The following MGAT4B variants were observed in gnomAD, a reference collection of about 807,000 sequenced individuals.
MGAT4B encodes N-acetylglucosaminyltransferase IVb.
MGAT4B carries 38 observed loss-of-function variants against 73.9 expected under a neutral mutation model. That is an observed-to-expected ratio of 0.51 (90% CI 0.40 to 0.67). MGAT4B has a LOEUF of 0.67. Ranked by LOEUF, MGAT4B falls within the 30% of genes least tolerant of loss-of-function variation. The pLI, the probability that MGAT4B is intolerant of heterozygous loss-of-function variation, is 0.00. For missense variants in MGAT4B, 686 were observed against 735.2 expected, an observed-to-expected ratio of 0.93 and a Z score of 0.77; for synonymous variants, 373 against 313.5, an observed-to-expected ratio of 1.19 and a Z score of -2.01.
intron 9 of MGAT4B, 45 bp downstream of exon 9, chr5:179,799,461 T>TGC (rs1756810186): frequency 6.2e-7 from 1 of 1,611,938 alleles, no homozygotes; most frequent in African/African-American, 1.3e-5. Flanking sequence ...GGAGGCTGCC[T>TGC]GCCCCTTGGC....
chr5:179,803,105 G>C, intron 1 of MGAT4B: 2 of 985,588 alleles, frequency 2.0e-6, no homozygotes, highest in Non-Finnish European at 2.4e-6. Flanking sequence ...ACGGGCAGGA[G>C]GTCGAAGTGC....
intron 1 of MGAT4B, chr5:179,802,876 C>T (rs1757007556): frequency 1.0e-6 from 1 of 985,494 alleles, no homozygotes; most frequent in Non-Finnish European, 1.2e-6. Context: ...TCTCTGAAAA[C>T]CTATGTGGCC....
At chr5:179,798,836 T>G (rs921431686) in intron 11 of MGAT4B, 92 bp downstream of exon 11, 1 of 1,463,832 alleles carries the variant, frequency 6.8e-7, no homozygotes, top group African/African-American at 1.4e-5. Context: ...ATGCGGAAAC[T>G]GAAGAACGTG....
rs1287108102 is a variant in MGAT4B, at chr5:179,800,517, C to T, written c.686G>A (p.Arg229Gln). Reference protein sequence around the residue: ...PHFYPDFSRLRESFGDPKERV... With the variant: ...PHFYPDFSRLQESFGDPKERV... ...CTCCTTGGGGTCCCCAAAGGACTCT[C>T]GGAGGCGGGAGAAGTCAGGGTAGAA... is the stretch of plus-strand genomic sequence containing the variant. Residue 229 changes from arginine (R) to glutamine (Q), a missense_variant, in exon 6 of 15, where the codon CGA (arginine) becomes CAA (glutamine). Coordinates refer to ENST00000292591, the MANE Select transcript of MGAT4B (RefSeq NM_014275.5). 28 of 1,611,246 alleles carry T rather than the reference C, an allele frequency of 1.7e-5. No individual in the cohort carries two copies. The highest frequency in any genetic ancestry group is 2.2e-5 in the Non-Finnish European group (26 of 1,179,290).
In MGAT4B at chr5:179,806,528, A is replaced by G; in HGVS notation, c.56T>C (p.Phe19Ser). Residue 19 changes from phenylalanine (F) to serine (S), a missense_variant, in exon 1 of 15, where the codon TTC becomes TCC. Around this residue, in one of 2 missense-constraint regions of MGAT4B, gnomAD observed 237 missense variants for 198.5 expected, o/e 1.19. Coordinates refer to ENST00000292591, the MANE Select transcript of MGAT4B (RefSeq NM_014275.5). This position sits in a 1 kb window ranked among gnomAD's most constrained non-coding sequence, Gnocchi z 4.6. ...LTLLLFCLCA[F>S]LSLSWYAALS... ...TGCCGCGTACCAGGACAGCGAGAGG[A>G]AGGCGCACAGGCAGAAGAGCAGCAG... 1 of 1,338,404 alleles carries G rather than the reference A, an allele frequency of 7.5e-7. No individual in the cohort carries two copies. The highest frequency in any genetic ancestry group is 9.8e-7 in the Non-Finnish European group (1 of 1,019,772). The allele number at this position is 1,338,404 out of a possible 1,614,324, so 82.9% of individuals were successfully genotyped here.
intron 6 of MGAT4B, 54 bp from the exon 7 acceptor site, chr5:179,800,313 C>T: frequency 1.3e-6 from 2 of 1,598,742 alleles, no homozygotes; most frequent in Non-Finnish European, 1.7e-6. Flanking sequence ...TCCATTGTGG[C>T]TCCGCAGAGA....
Position 179,797,892 on chromosome 5 carries a change from G to C in MGAT4B, c.*153C>G. 8 of 1,121,330 alleles carry C rather than the reference G, an allele frequency of 7.1e-6. No individual in the cohort carries two copies. The highest frequency in any genetic ancestry group is 6.0e-5 in the South Asian group (4 of 66,434). The allele number at this position is 1,121,330 out of a possible 1,614,324, so 69.5% of individuals were successfully genotyped here. On this transcript the variant is annotated 3_prime_UTR_variant, in exon 15 of 15. Coordinates refer to ENST00000292591, the MANE Select transcript of MGAT4B (RefSeq NM_014275.5). ...GGCAGCACCAGCTCCTAGGGCCTCC[G>C]GGCCAGCGGCGGACCCCAGGCCGGC...
chr5:179,800,732 T>C (rs901017637), intron 5 of MGAT4B, 135 bp from the exon 6 acceptor site: 6 of 968,170 alleles, frequency 6.2e-6, no homozygotes, highest in Non-Finnish European at 7.8e-6. Context: ...CCAACTGAGG[T>C]AGCAGAGCTC....
chr5:179,803,241 T>C, intron 1 of MGAT4B: 2 of 984,932 alleles, frequency 2.0e-6, no homozygotes, highest in Non-Finnish European at 2.4e-6. Context: ...CTCCACACCC[T>C]GCCTCTCTGG....
rs200583072 is a variant in MGAT4B at position 179,801,755 on chromosome 5, C to A, written c.283+29G>T. 17 of 1,567,224 alleles carry A rather than the reference C, an allele frequency of 1.1e-5. No homozygotes were observed. Among genetic ancestry groups the A allele is most frequent in the East Asian group, 2.3e-5 (1 of 43,444 alleles). ...GGAACCTACAACCAGCCCGCCCCCGCCTTTTCCCCCTCCCGCCCCAGACCT... is the reference window on the plus strand; with the variant it reads ...GGAACCTACAACCAGCCCGCCCCCGACTTTTCCCCCTCCCGCCCCAGACCT... On this transcript the variant is annotated intron_variant, in intron 2 of 14. Transcript: ENST00000292591. The surrounding 1 kb of genome is among the most constrained non-coding windows in gnomAD (Gnocchi z 4.8).
Position 179,802,545 on chromosome 5 carries a change from G to A in MGAT4B, c.98-576C>T, listed in dbSNP as rs527502543. 2.3e-5 allele frequency: 23 copies of A among 1,000,778 alleles called. No individual in the cohort carries two copies. In the East Asian group the frequency reaches 9.5e-4, roughly 41 times the overall value. The allele number at this position is 1,000,778 out of a possible 1,614,324, so 62.0% of individuals were successfully genotyped here. On this transcript the variant is annotated intron_variant, in intron 1 of 14. Coordinates refer to ENST00000292591, the MANE Select transcript of MGAT4B (RefSeq NM_014275.5). ...AAATGAGGTTGAGAAACCGGCCCTG[G>A]GGCTGCTCAAGGACAGTCAACAGCA... is the stretch of plus-strand genomic sequence containing the variant.
rs1323150471 is a variant in MGAT4B, at chr5:179,800,891, G to A, written c.605+16C>T. 3 of 1,612,926 alleles carry A rather than the reference G, an allele frequency of 1.9e-6. No individual in the cohort carries two copies. Among genetic ancestry groups the A allele is most frequent in the South Asian group, 2.2e-5 (2 of 91,062 alleles). On this transcript the variant is annotated intron_variant, in intron 5 of 14. Transcript: ENST00000292591. ...AGCTCTCCCGCCACCAGCTCTCTGGGGTCGCCAGTACTCACAAGGCCTTGA... is the reference window on the plus strand; with the variant it reads ...AGCTCTCCCGCCACCAGCTCTCTGGAGTCGCCAGTACTCACAAGGCCTTGA...
chr5:179,798,871 C>CA, intron 11 of MGAT4B, 57 bp downstream of exon 11: 8 of 1,591,600 alleles, frequency 5.0e-6, no homozygotes, highest in Non-Finnish European at 6.9e-6. Context: ...GTGAAGCCTA[C>CA]ACCCTGGGGG....
intron 9 of MGAT4B, 32 bp downstream of exon 9, chr5:179,799,474 T>C: frequency 6.2e-7 from 1 of 1,612,896 alleles, no homozygotes; most frequent in South Asian, 1.1e-5. Flanking sequence ...CCCTTGGCCC[T>C]GCCCCTGCCA....
chr5:179,806,246 G>A lies in MGAT4B; in HGVS notation c.97+241C>T, dbSNP rs1757147522. 1.2e-5 allele frequency: 2 copies of A among 171,620 alleles called. No individual in the cohort carries two copies. The highest frequency in any genetic ancestry group is 2.0e-4 in the South Asian group (1 of 4,998). 10.6% of individuals were successfully genotyped at this position (171,620 alleles called of 1,614,324 possible). ...CCACGGGTCCCCAGCTCAGCGTCGGGACAGCTGCGCCCGCGGAGTCCGGTC... is the reference window on the plus strand; with the variant it reads ...CCACGGGTCCCCAGCTCAGCGTCGGAACAGCTGCGCCCGCGGAGTCCGGTC... On this transcript the variant is annotated intron_variant, in intron 1 of 14. Coordinates refer to ENST00000292591, the MANE Select transcript of MGAT4B (RefSeq NM_014275.5). The surrounding 1 kb of genome is among the most constrained non-coding windows in gnomAD (Gnocchi z 4.6).
chr5:179,801,514 C>T lies in MGAT4B; in HGVS notation c.424+40G>A, dbSNP rs1363633331. On this transcript the variant is annotated intron_variant, in intron 3 of 14. Coordinates refer to ENST00000292591, the MANE Select transcript of MGAT4B (RefSeq NM_014275.5). This position sits in a 1 kb window ranked among gnomAD's most constrained non-coding sequence, Gnocchi z 4.8. ...CGCTGGAAAGGGTGCGGGGGCCACC[C>T]GTCCCCCCACCCCGTGCTCCTCCCT... is the stretch of plus-strand genomic sequence containing the variant. 4.4e-6 allele frequency: 7 copies of T among 1,602,076 alleles called. No homozygotes were observed. The highest frequency in any genetic ancestry group is 2.2e-5 in the South Asian group (2 of 90,680).
chr5:179,800,655 C>A, intron 5 of MGAT4B, 58 bp from the exon 6 acceptor site: 1 of 1,292,846 alleles, frequency 7.7e-7, no homozygotes, highest in South Asian at 1.2e-5. Flanking sequence ...AGGGGCCGAG[C>A]CCACCAGACT....
Position 179,801,129 on chromosome 5 carries a change from G to A in MGAT4B, c.559-176C>T. On this transcript the variant is annotated intron_variant, in intron 4 of 14. Coordinates refer to ENST00000292591, the MANE Select transcript of MGAT4B (RefSeq NM_014275.5). The surrounding 1 kb of genome is among the most constrained non-coding windows in gnomAD (Gnocchi z 4.8). ...GGCCCTTTCCCTTTGGGACTCGCATGGCCAAGGACTAGGGGGTGGCGGGGG... is the reference window on the plus strand; with the variant it reads ...GGCCCTTTCCCTTTGGGACTCGCATAGCCAAGGACTAGGGGGTGGCGGGGG... The A allele has an allele frequency of 1.2e-5, 13 of 1,127,704 alleles. No homozygotes were observed. Among genetic ancestry groups the A allele is most frequent in the South Asian group, 6.1e-5 (4 of 65,794 alleles). 69.9% of individuals were successfully genotyped at this position (1,127,704 alleles called of 1,614,324 possible).
chr5:179,805,960 C>T (rs1222267942), intron 1 of MGAT4B, among the ~76,000 whole-genome samples: 2 of 147,706 alleles, frequency 1.4e-5, no homozygotes, highest in Non-Finnish European at 3.0e-5. Context: ...CAGCAGGGGC[C>T]GGGCTGCCTC....
Sources: gnomAD v4.1 joint callset for allele counts (sites outside exome capture counted in the v4.1 genomes callset) on GRCh38, gnomAD v4.1.1 for gene constraint, gnomAD v4.1.1 regional missense constraint, Gnocchi (gnomAD v3.1) non-coding constraint, MANE v1.5 for transcripts, NCBI Gene and HGNC (gene_info 2026-07-23, HGNC 2026-07-21) for gene names.